The following COL24A1 variants were observed in gnomAD, a reference collection of about 807,000 sequenced individuals.
The protein encoded by COL24A1 is collagen type XXIV alpha 1 chain.
Under a neutral mutation model 253.9 loss-of-function variants are expected in COL24A1, and 224 were observed. That is an observed-to-expected ratio of 0.88 (90% CI 0.79 to 0.99). The LOEUF (loss-of-function observed/expected upper bound fraction) is 0.99. Ranked by LOEUF, COL24A1 falls within the 50% of genes least tolerant of loss-of-function variation. COL24A1 has a pLI of 0.00. For synonymous variants in COL24A1, 685 were observed against 673.7 expected, an observed-to-expected ratio of 1.02 and a Z score of -0.26; for missense variants, 2,131 against 2,068.5, an observed-to-expected ratio of 1.03 and a Z score of -0.59.
Position 85,737,487 on chromosome 1 carries a change from G to C in COL24A1, c.4691C>G (p.Pro1564Arg). 6.2e-7 allele frequency: 1 copy of C among 1,611,120 alleles called. No individual in the cohort carries two copies. Among genetic ancestry groups the C allele is most frequent in the South Asian group, 1.1e-5 (1 of 90,620 alleles). ...GGCATCTGAAGGACAGCCAAGATTT[G>C]GGTCAATCCAGTATTTTCCTAATAA... ...KVSDGKYWIDPNLGCPSDAIE... is the reference protein window; with the variant it reads ...KVSDGKYWIDRNLGCPSDAIE... Residue 1564 changes from proline to arginine, a missense_variant, in exon 58 of 60, where the codon CCA (proline) becomes CGA (arginine). Transcript: ENST00000370571.
At chr1:85,804,966 T>A (rs74514926) in intron 47 of COL24A1, among the ~76,000 whole-genome samples, 2,517 of 152,158 alleles carry the variant, frequency 0.017, 68 homozygotes, top group African/African-American at 0.057. Context: ...ACTTCTTCAA[T>A]CTCTTGAGTA....
intron 40 of COL24A1, 67 bp from the exon 41 acceptor site, chr1:85,842,188 A>G (rs1218578911): frequency 6.7e-7 from 1 of 1,495,104 alleles, no homozygotes; most frequent in African/African-American, 1.4e-5. Context: ...TTATTCTGAA[A>G]GGAAAAATAG....
In COL24A1 at chr1:86,115,320, C is replaced by T; in HGVS notation, c.1545+5G>A. On this transcript the variant is annotated splice_donor_5th_base_variant and intron_variant, in intron 4 of 59. Coordinates refer to ENST00000370571, the MANE Select transcript of COL24A1 (RefSeq NM_152890.7). The stretch of plus-strand genomic sequence containing the variant: ...GCCAGCAGGAAATATAGCCCATCTA[C>T]TTACCCGTGGACCTCTCTTCCCTGA... 1.9e-6 allele frequency: 3 copies of T among 1,613,696 alleles called. No homozygotes were observed. In the South Asian group the frequency reaches 3.3e-5, roughly 18 times the overall value.
Position 85,923,364 on chromosome 1 carries a change from T to C in COL24A1, c.2563-11931A>G, listed in dbSNP as rs1454681288. ...CTCTGCACCTCAAATTAACAGAATA[T>C]ACAGCCTTCTCAGCAACACATCACA... On this transcript the variant is annotated intron_variant, in intron 24 of 59. Transcript: ENST00000370571. Among the ~76,000 whole-genome samples, 3 of 152,176 alleles carry C rather than the reference T, an allele frequency of 2.0e-5. 1 individual carries two copies. Among genetic ancestry groups the C allele is most frequent in the Non-Finnish European group, 1.5e-5 (1 of 68,036 alleles).
chr1:85,875,792 A>T (rs1252779872), intron 33 of COL24A1, among the ~76,000 whole-genome samples: 1 of 148,878 alleles, frequency 6.7e-6, no homozygotes, highest in African/African-American at 2.5e-5. Flanking sequence ...GCCTTCTTTC[A>T]TGGTGGGTCC....
Position 85,935,541 on chromosome 1 carries a change from T to C in COL24A1, c.2563-24108A>G, listed in dbSNP as rs115212602. 7.3e-3 allele frequency among the ~76,000 whole-genome samples: 1,080 copies of C among 147,874 alleles called. 107 individuals carry two copies. Among genetic ancestry groups the C allele is most frequent in the African/African-American group, 0.025 (1,018 of 40,404 alleles). On this transcript the variant is annotated intron_variant, in intron 24 of 59. Transcript: ENST00000370571. Reference sequence around the variant, plus strand: ...AGTATTTATTTGACAGCATGACTTGTAGCAAGTTACTTTAGCTCACTGTAC... The same window carrying C: ...AGTATTTATTTGACAGCATGACTTGCAGCAAGTTACTTTAGCTCACTGTAC...
At chr1:85,771,134 G>A (rs1334250210) in intron 53 of COL24A1, among the ~76,000 whole-genome samples, 1 of 152,016 alleles carries the variant, frequency 6.6e-6, no homozygotes, top group Non-Finnish European at 1.5e-5. Context: ...TTAAGTTCTG[G>A]GTTACATGTG....
intron 24 of COL24A1, among the ~76,000 whole-genome samples, chr1:85,924,493 C>G (rs777681307): frequency 5.0e-4 from 76 of 152,186 alleles, no homozygotes; most frequent in Admixed American, 5.2e-4. Context: ...GGCTTCATCC[C>G]TGGGATGCAA....
At chr1:85,870,680 T>C (rs976436325) in intron 35 of COL24A1, among the ~76,000 whole-genome samples, 32 of 152,198 alleles carry the variant, frequency 2.1e-4, no homozygotes, top group Non-Finnish European at 4.0e-4. Flanking sequence ...CCAGAATCTC[T>C]GGGACACATT....
At chr1:85,848,381 T>A (rs1677374764) in intron 38 of COL24A1, among the ~76,000 whole-genome samples, 1 of 152,092 alleles carries the variant, frequency 6.6e-6, no homozygotes, top group Admixed American at 6.6e-5. Context: ...AAGATCTCAG[T>A]TCACTGCAAC....
intron 24 of COL24A1, among the ~76,000 whole-genome samples, chr1:85,925,137 G>A (rs993237247): frequency 2.4e-4 from 36 of 152,104 alleles, no homozygotes; most frequent in Non-Finnish European, 4.7e-4. Context: ...ACCTCTTCAA[G>A]GAGAACTACA....
intron 1 of COL24A1, chr1:86,154,747 G>GC (rs1326321031): frequency 6.5e-6 from 1 of 152,930 alleles, no homozygotes; most frequent in Non-Finnish European, 1.5e-5. Context: ...ACCAGCGTGG[G>GC]CCTCGCGCGG....
chr1:85,763,061 C>A (rs995722564), intron 53 of COL24A1, among the ~76,000 whole-genome samples: 24 of 152,102 alleles, frequency 1.6e-4, no homozygotes, highest in Non-Finnish European at 2.9e-4. Flanking sequence ...TTTATTAGTT[C>A]TTTTTTATTA....
chr1:86,141,917 T>C (rs1386940764), intron 2 of COL24A1, among the ~76,000 whole-genome samples: 1 of 151,986 alleles, frequency 6.6e-6, no homozygotes, highest in African/African-American at 2.4e-5. Context: ...TTGGCCAGGC[T>C]CGAACTCCTG....
chr1:85,925,223 A>G (rs1426270340), intron 24 of COL24A1, among the ~76,000 whole-genome samples: 3 of 152,216 alleles, frequency 2.0e-5, no homozygotes, highest in Non-Finnish European at 2.9e-5. Context: ...GGAAGAATCA[A>G]TATCATGGTA....
chr1:85,783,646 C>G (rs1041186633), intron 50 of COL24A1, 88 bp from the exon 51 acceptor site: 7 of 1,245,064 alleles, frequency 5.6e-6, no homozygotes, highest in Admixed American at 3.5e-5. Flanking sequence ...AAGAATTGCT[C>G]TTTTAAAAAT....
intron 5 of COL24A1, among the ~76,000 whole-genome samples, chr1:86,096,473 T>C (rs1703896287): frequency 6.6e-6 from 1 of 152,168 alleles, no homozygotes. Context: ...CCACTCTTCA[T>C]AGGCCTCCAC....
chr1:85,875,424 C>A, intron 33 of COL24A1, 94 bp from the exon 34 acceptor site: 2 of 917,072 alleles, frequency 2.2e-6, no homozygotes, highest in Non-Finnish European at 1.8e-6. Context: ...TACCTGTGTC[C>A]AAAAGGGCAT....
chr1:85,903,082 A>G (rs568846260), intron 28 of COL24A1, among the ~76,000 whole-genome samples: 3 of 152,154 alleles, frequency 2.0e-5, no homozygotes, highest in African/African-American at 4.8e-5. Context: ...AAAACCCATT[A>G]CTTAGAAAAA....
Sources: allele counts gnomAD v4.1 joint callset (sites outside exome capture counted in the v4.1 genomes callset), GRCh38; gene constraint gnomAD v4.1.1; transcripts MANE v1.5; gene names NCBI Gene and HGNC (gene_info 2026-07-23, HGNC 2026-07-21).